The following GRIN2B variants were observed in gnomAD, a reference collection of about 807,000 sequenced individuals.
GRIN2B encodes glutamate receptor ionotropic, NMDA 2B.
A neutral mutation model predicts 114.5 loss-of-function variants in GRIN2B; 5 were observed. The observed-to-expected ratio is 0.04, with a 90% CI of 0.02 to 0.09. The LOEUF is 0.09. Ranked by LOEUF, GRIN2B falls within the 10% of genes least tolerant of loss-of-function variation. The pLI is 1.00. For missense variants in GRIN2B, 1,108 were observed against 1,943.5 expected, an observed-to-expected ratio of 0.57 and a Z score of 8.08; for synonymous variants, 787 against 745.1, an observed-to-expected ratio of 1.06 and a Z score of -0.92.
chr12:13,867,504 C>T (rs1865846358), intron 2 of GRIN2B, among the ~76,000 whole-genome samples: 1 of 152,158 alleles, frequency 6.6e-6, no homozygotes, highest in African/African-American at 2.4e-5. Flanking sequence ...CACCACTATA[C>T]AATATATCCA....
chr12:13,574,944 G>T (rs530109248), intron 10 of GRIN2B, among the ~76,000 whole-genome samples: 1 of 152,220 alleles, frequency 6.6e-6, no homozygotes, highest in Middle Eastern at 3.2e-3. Flanking sequence ...TGGTGCAAGG[G>T]CCATTCAGTG....
chr12:13,605,556 C>CTCTCTG (rs1391827852), intron 10 of GRIN2B, among the ~76,000 whole-genome samples: 145 of 148,922 alleles, frequency 9.7e-4, no homozygotes, highest in African/African-American at 3.4e-3. Context: ...CTCTCTGACA[C>CTCTCTG]ACACACACAC....
At chr12:13,723,200 T>C (rs548935036) in intron 4 of GRIN2B, among the ~76,000 whole-genome samples, 3 of 152,150 alleles carry the variant, frequency 2.0e-5, no homozygotes, top group African/African-American at 7.2e-5. Flanking sequence ...GCAGGTTTGT[T>C]ACATAGGTAT....
intron 3 of GRIN2B, among the ~76,000 whole-genome samples, chr12:13,776,863 A>G (rs939934417): frequency 2.0e-5 from 3 of 152,234 alleles, no homozygotes; most frequent in Non-Finnish European, 4.4e-5. Context: ...TCTTAAAATT[A>G]ATACATTTAT....
rs2136381071 is a variant in GRIN2B at position 13,544,204 on chromosome 12, T to C, written c.*18579A>G. On this transcript the variant is annotated 3_prime_UTR_variant, in exon 14 of 14. Transcript: ENST00000609686. ...CCTCTTTCTTGAATCCACCCCATCA[T>C]GCTTTTGCCCCCACCAGTCCACTGA... 6.6e-6 allele frequency: 1 copy of C among 152,430 alleles called. No homozygotes were observed. The highest frequency in any genetic ancestry group is 1.5e-5 in the Non-Finnish European group (1 of 68,106). 9.4% of individuals were successfully genotyped at this position (152,430 alleles called of 1,614,324 possible). A position where few individuals can be genotyped will look rare whatever the true frequency, so the allele number is the denominator to read the frequency against.
chr12:13,704,166 G>C (rs562908624), intron 4 of GRIN2B, among the ~76,000 whole-genome samples: 1 of 152,282 alleles, frequency 6.6e-6, no homozygotes, highest in Admixed American at 6.5e-5. Flanking sequence ...ATTAGGAAAA[G>C]TCTGATGCTG....
At chr12:13,831,604 C>T (rs1406685958) in intron 3 of GRIN2B, among the ~76,000 whole-genome samples, 2 of 152,170 alleles carry the variant, frequency 1.3e-5, no homozygotes, top group Non-Finnish European at 2.9e-5. Flanking sequence ...AAAGGGAACA[C>T]GTTAGGAATA....
intron 2 of GRIN2B, among the ~76,000 whole-genome samples, chr12:13,927,386 C>T (rs1219818702): frequency 6.6e-6 from 1 of 152,056 alleles, no homozygotes; most frequent in African/African-American, 2.4e-5. Context: ...TGTAAAGTGA[C>T]AGATAGTAAA....
intron 4 of GRIN2B, among the ~76,000 whole-genome samples, chr12:13,677,952 G>A (rs1302303139): frequency 6.6e-6 from 1 of 152,056 alleles, no homozygotes; most frequent in African/African-American, 2.4e-5. Context: ...GCACAAGGAG[G>A]TTAAATTATT....
At chr12:13,745,128 A>C (rs74065271) in intron 4 of GRIN2B, among the ~76,000 whole-genome samples, 2,031 of 152,194 alleles carry the variant, frequency 0.013, 45 homozygotes, top group African/African-American at 0.046. Context: ...AAAGCCACAC[A>C]ACCATCTCTG....
At chr12:13,690,355 CCT>C (rs538084297) in intron 4 of GRIN2B, among the ~76,000 whole-genome samples, 4,761 of 69,662 alleles carry the variant, frequency 0.068, 248 homozygotes, top group African/African-American at 0.19. Context: ...CTTTTTTTTG[CCT>C]CTCTCTCTCT....
In GRIN2B at chr12:13,556,799, A is replaced by G. The variant is rs377249371; in HGVS notation, c.*5984T>C. 1 of 152,128 alleles carries G rather than the reference A, an allele frequency of 6.6e-6. No individual in the cohort carries two copies. Among genetic ancestry groups the G allele is most frequent in the African/African-American group, 2.4e-5 (1 of 41,406 alleles). The allele number at this position is 152,128 out of a possible 1,614,324, so 9.4% of individuals were successfully genotyped here. A position where few individuals can be genotyped will look rare whatever the true frequency, so the allele number is the denominator to read the frequency against. ...CCTTAACCACATAATCACCCCAGCA[A>G]TTATATTCAAAGCATGAAGCAGCTC... On this transcript the variant is annotated 3_prime_UTR_variant, in exon 14 of 14. Coordinates refer to ENST00000609686, the MANE Select transcript of GRIN2B (RefSeq NM_000834.5).
Position 13,551,717 on chromosome 12 carries a change from G to C in GRIN2B, c.*11066C>G, listed in dbSNP as rs574645370. ...GCTCATGGCAAAGAGATCAAATTCTGTGTAGTTGTGCTGTTCAGGTGAATA... is the reference window on the plus strand; with the variant it reads ...GCTCATGGCAAAGAGATCAAATTCTCTGTAGTTGTGCTGTTCAGGTGAATA... On this transcript the variant is annotated 3_prime_UTR_variant, in exon 14 of 14. Transcript: ENST00000609686. 3 of 152,288 alleles carry C rather than the reference G, an allele frequency of 2.0e-5. No individual in the cohort carries two copies. In the South Asian group the frequency reaches 6.2e-4, roughly 32 times the overall value. The allele number at this position is 152,288 out of a possible 1,614,324, so 9.4% of individuals were successfully genotyped here.
intron 5 of GRIN2B, among the ~76,000 whole-genome samples, chr12:13,672,810 G>A (rs1377256266): frequency 6.6e-6 from 1 of 151,042 alleles, no homozygotes; most frequent in East Asian, 2.0e-4. Flanking sequence ...TACATGTAAA[G>A]TATGATCTAC....
chr12:13,700,952 A>T (rs1950306316), intron 4 of GRIN2B, among the ~76,000 whole-genome samples: 1 of 152,142 alleles, frequency 6.6e-6, no homozygotes, highest in Non-Finnish European at 1.5e-5. Context: ...AGACTGGGTA[A>T]TTTTTAAAGA....
At position 13,557,473 on chromosome 12, in the gene GRIN2B, T is replaced by A. The variant is rs1365916376; in HGVS notation, c.*5310A>T. ...CAGTAAATTTTATTGTATCACTAAT[T>A]CAATTTGATTTTTCTAGCTGCCTAC... On this transcript the variant is annotated 3_prime_UTR_variant, in exon 14 of 14. Transcript: ENST00000609686. The A allele has an allele frequency of 6.6e-6, 1 of 152,222 alleles. No individual in the cohort carries two copies. The allele number at this position is 152,222 out of a possible 1,614,324, so 9.4% of individuals were successfully genotyped here. A position where few individuals can be genotyped will look rare whatever the true frequency, so the allele number is the denominator to read the frequency against.
chr12:13,632,049 T>C (rs892620260), intron 5 of GRIN2B, among the ~76,000 whole-genome samples: 1 of 152,072 alleles, frequency 6.6e-6, no homozygotes, highest in Non-Finnish European at 1.5e-5. Context: ...CTTAAGCCAT[T>C]TGAAAGAAAA....
intron 2 of GRIN2B, among the ~76,000 whole-genome samples, chr12:13,955,108 A>G (rs139606162): frequency 3.9e-4 from 60 of 152,300 alleles, no homozygotes; most frequent in African/African-American, 1.4e-3. Context: ...CATGCATTTA[A>G]CAAAACATCT....
intron 3 of GRIN2B, among the ~76,000 whole-genome samples, chr12:13,850,669 G>A (rs1214955749): frequency 6.6e-6 from 1 of 152,194 alleles, no homozygotes; most frequent in Non-Finnish European, 1.5e-5. Flanking sequence ...AAGGGAGGAA[G>A]TCAACTTTGC....
Sources: gnomAD v4.1 joint callset for allele counts (sites outside exome capture counted in the v4.1 genomes callset) on GRCh38, gnomAD v4.1.1 for gene constraint, MANE v1.5 for transcripts, NCBI Gene and HGNC (gene_info 2026-07-23, HGNC 2026-07-21) for gene names.